Variants in SIDT1 observed in about 807,000 individuals in gnomAD.
The protein encoded by SIDT1 is SID1 transmembrane family, member 1.
In SIDT1, 101 loss-of-function variants were observed where a neutral mutation model predicts 107.5. The observed-to-expected ratio is 0.94, with a 90% CI of 0.80 to 1.11. The LOEUF (loss-of-function observed/expected upper bound fraction) is 1.11, where lower values mean the gene tolerates loss of function less well. Among genes scored for constraint, SIDT1 ranks in the 50% least tolerant of loss-of-function variants. The probability of loss-of-function intolerance (pLI) is 0.00; values close to 1 mark genes in which losing one functional copy is unlikely to be tolerated. For synonymous variants in SIDT1, 395 were observed against 398.2 expected (o/e 0.99, Z 0.10); for missense variants, 1,076 against 1,058.2 (o/e 1.02, Z -0.23).
chr3:113,553,173 TC>T (rs1940463992), intron 1 of SIDT1, among the ~76,000 whole-genome samples: 1 of 152,180 alleles, frequency 6.6e-6, no homozygotes, highest in African/African-American at 2.4e-5. Flanking sequence ...TGGTTTTCTC[TC>T]TTAAACATGG....
intron 3 of SIDT1, among the ~76,000 whole-genome samples, chr3:113,571,486 G>GCA (rs60256247): frequency 0.48 from 71,991 of 148,846 alleles, 18,787 homozygotes; most frequent in Admixed American, 0.59. Flanking sequence ...CCTATCCTCT[G>GCA]CACACACACA....
chr3:113,623,018 C>G (rs551836509), intron 21 of SIDT1, among the ~76,000 whole-genome samples: 9 of 151,414 alleles, frequency 5.9e-5, no homozygotes, highest in African/African-American at 2.2e-4. Context: ...CAAGACCCTG[C>G]CTCTACAAAA....
At chr3:113,550,873 T>A (rs1375817428) in intron 1 of SIDT1, among the ~76,000 whole-genome samples, 5 of 152,172 alleles carry the variant, frequency 3.3e-5, no homozygotes, top group African/African-American at 1.2e-4. Context: ...CAACTAAGAC[T>A]AGTACCCATT....
downstream of SIDT1, among the ~76,000 whole-genome samples, chr3:113,634,502 T>TA (rs1286258619): frequency 6.6e-6 from 1 of 151,568 alleles, no homozygotes; most frequent in East Asian, 1.9e-4. Flanking sequence ...ACTAAAAATA[T>TA]AAAAAAGGTA....
intron 1 of SIDT1, among the ~76,000 whole-genome samples, chr3:113,550,150 T>C (rs1940051608): frequency 6.6e-6 from 1 of 152,234 alleles, no homozygotes. Flanking sequence ...TGCTAAACTC[T>C]ACCATTCTCT....
chr3:113,626,271 C>G (rs760870925), intron 24 of SIDT1, 56 bp downstream of exon 24: 7 of 1,168,382 alleles, frequency 6.0e-6, no homozygotes, highest in Non-Finnish European at 8.9e-6. Flanking sequence ...CTTGTACTCT[C>G]TTTTTCTTCT....
chr3:113,617,082 T>C (rs1946162111), intron 20 of SIDT1, among the ~76,000 whole-genome samples: 1 of 152,084 alleles, frequency 6.6e-6, no homozygotes, highest in Non-Finnish European at 1.5e-5. Flanking sequence ...TAAATAATCA[T>C]CCAAAGAGGT....
chr3:113,622,905 A>G (rs1158443989), intron 21 of SIDT1, among the ~76,000 whole-genome samples: 1 of 152,156 alleles, frequency 6.6e-6, no homozygotes, highest in Admixed American at 6.5e-5. Context: ...TTACTTATAT[A>G]GGCAAGGCAC....
intron 23 of SIDT1, 117 bp from the exon 24 acceptor site, chr3:113,625,985 G>T: frequency 1.4e-6 from 1 of 733,232 alleles, no homozygotes; most frequent in South Asian, 1.6e-5. Context: ...TGTTTTCTTG[G>T]AAGCTAACTT....
intron 15 of SIDT1, among the ~76,000 whole-genome samples, chr3:113,607,684 A>G (rs576767993): frequency 1.1e-4 from 16 of 152,336 alleles, no homozygotes; most frequent in South Asian, 4.1e-4. Flanking sequence ...ATTGGCTGAC[A>G]CTTACCTGAA....
chr3:113,563,912 G>A (rs1044138060), intron 1 of SIDT1, among the ~76,000 whole-genome samples: 1 of 152,046 alleles, frequency 6.6e-6, no homozygotes, highest in African/African-American at 2.4e-5. Flanking sequence ...GCAGATAAAT[G>A]ATACGATCTT....
chr3:113,566,617 C>T (rs1941941943), intron 2 of SIDT1, 76 bp downstream of exon 2: 1 of 1,504,222 alleles, frequency 6.6e-7, no homozygotes. Flanking sequence ...TGGTCTTTTC[C>T]CTATTGAAAG....
At chr3:113,596,491 G>C (rs1576899171) in intron 10 of SIDT1, among the ~76,000 whole-genome samples, 1 of 152,224 alleles carries the variant, frequency 6.6e-6, no homozygotes, top group Admixed American at 6.5e-5. Context: ...CCTGGAGCCT[G>C]GGTGAGATGG....
At chr3:113,544,734 A>G (rs924500621) in intron 1 of SIDT1, among the ~76,000 whole-genome samples, 1 of 152,164 alleles carries the variant, frequency 6.6e-6, no homozygotes, top group Non-Finnish European at 1.5e-5. Flanking sequence ...CCCTATTACT[A>G]GTATGGTTAA....
chr3:113,543,931 A>G (rs1939243595), intron 1 of SIDT1, among the ~76,000 whole-genome samples: 1 of 152,188 alleles, frequency 6.6e-6, no homozygotes, highest in Non-Finnish European at 1.5e-5. Flanking sequence ...ACTTCAGTGT[A>G]TATTTCTTTT....
At chr3:113,547,480 A>AT (rs1939722709) in intron 1 of SIDT1, among the ~76,000 whole-genome samples, 1 of 152,142 alleles carries the variant, frequency 6.6e-6, no homozygotes, top group African/African-American at 2.4e-5. Context: ...TCGTTCCCTC[A>AT]TTTTTTGTTT....
chr3:113,566,336 GT>G, intron 1 of SIDT1, 83 bp from the exon 2 acceptor site: 1 of 1,258,392 alleles, frequency 7.9e-7, no homozygotes, highest in Non-Finnish European at 1.1e-6. Context: ...GTTTGTGTGT[GT>G]TTGTGTGTGT....
intron 7 of SIDT1, among the ~76,000 whole-genome samples, chr3:113,584,165 C>A (rs1943570052): frequency 1.3e-5 from 2 of 152,170 alleles, no homozygotes; most frequent in Non-Finnish European, 2.9e-5. Flanking sequence ...AGTGTAACAT[C>A]ATTTCCTTGA....
chr3:113,617,898 A>G (rs1946214379), intron 20 of SIDT1, among the ~76,000 whole-genome samples: 1 of 152,160 alleles, frequency 6.6e-6, no homozygotes, highest in Admixed American at 6.5e-5. Flanking sequence ...ACAGTGGTAC[A>G]TTGGTTACAG....
Sources: gnomAD v4.1 joint callset for allele counts (sites outside exome capture counted in the v4.1 genomes callset) on GRCh38, gnomAD v4.1.1 for gene constraint, MANE v1.5 for transcripts, NCBI Gene and HGNC (gene_info 2026-07-23, HGNC 2026-07-21) for gene names.